The following VTA1 variants were observed in gnomAD, a reference collection of about 807,000 sequenced individuals.
VTA1 encodes vesicle trafficking 1, also known as vacuolar protein sorting-associated protein VTA1 homolog.
VTA1 carries 24 observed loss-of-function variants against 36.9 expected under a neutral mutation model. The observed-to-expected ratio is 0.65, with a 90% CI of 0.47 to 0.91. VTA1 has a LOEUF of 0.91. VTA1 is among the 40% of genes least tolerant of loss of function. VTA1 has a pLI of 0.00. For missense variants in VTA1, 393 were observed against 377.2 expected, an observed-to-expected ratio of 1.04 and a Z score of -0.35; for synonymous variants, 142 against 130.2, an observed-to-expected ratio of 1.09 and a Z score of -0.62.
chr6:142,161,523 A>C (rs1260202544), intron 1 of VTA1, among the ~76,000 whole-genome samples: 2 of 152,180 alleles, frequency 1.3e-5, no homozygotes, highest in Admixed American at 6.5e-5. Context: ...CTCACATTAA[A>C]TTAAATTCAA....
At chr6:142,174,466 T>G (rs974958174) in intron 4 of VTA1, among the ~76,000 whole-genome samples, 1 of 152,212 alleles carries the variant, frequency 6.6e-6, no homozygotes, top group Non-Finnish European at 1.5e-5. Flanking sequence ...AACTTGCTTT[T>G]AATCTTACAG....
rs371841146 is a variant in VTA1 at position 142,164,360 on chromosome 6, G to A, written c.113-1868G>A. Among the ~76,000 whole-genome samples the A allele has an allele frequency of 4.0e-5, 6 of 151,892 alleles. 1 individual carries two copies. The South Asian group carries it at 6.2e-4, about 16-fold the overall frequency. On this transcript the variant is annotated intron_variant, in intron 1 of 7. Coordinates refer to ENST00000367630, the MANE Select transcript of VTA1 (RefSeq NM_016485.5). ...CTACGCTGGTAGTGCAGTATATCTCGGTTACACTTTTGGAACTCTTTTTTT... is the reference window on the plus strand; with the variant it reads ...CTACGCTGGTAGTGCAGTATATCTCAGTTACACTTTTGGAACTCTTTTTTT...
At position 142,218,428 on chromosome 6, in the gene VTA1, A is replaced by G. The variant is rs946819208; in HGVS notation, c.779-70A>G. On this transcript the variant is annotated intron_variant, in intron 7 of 7. Transcript: ENST00000367630. ...AATATGTTTTTTAATCTTAAGCATAAGCATTTGCCCAACCTTACAGAACAC... is the reference window on the plus strand; with the variant it reads ...AATATGTTTTTTAATCTTAAGCATAGGCATTTGCCCAACCTTACAGAACAC... The G allele has an allele frequency of 1.7e-5, 26 of 1,511,066 alleles. No homozygotes were observed. The African/African-American group carries it at 3.5e-4, about 20-fold the overall frequency. The allele number at this position is 1,511,066 out of a possible 1,614,324, so 93.6% of individuals were successfully genotyped here.
At chr6:142,208,852 A>G (rs1775846655) in intron 7 of VTA1, among the ~76,000 whole-genome samples, 1 of 152,226 alleles carries the variant, frequency 6.6e-6, no homozygotes, top group African/African-American at 2.4e-5. Context: ...TTTCCCAGAC[A>G]CAAAAGCTGA....
chr6:142,214,896 A>G (rs1775976872), intron 7 of VTA1, among the ~76,000 whole-genome samples: 1 of 152,196 alleles, frequency 6.6e-6, no homozygotes, highest in South Asian at 2.1e-4. Context: ...CACTGTCACT[A>G]CCATTACTAC....
rs149153271 is a variant in VTA1, at chr6:142,222,872, T to C, written c.*4229T>C. The C allele has an allele frequency of 7.1e-4, 108 of 152,340 alleles. No individual in the cohort carries two copies. The highest frequency in any genetic ancestry group is 2.4e-3 in the African/African-American group (100 of 41,574). 9.4% of individuals were successfully genotyped at this position (152,340 alleles called of 1,614,324 possible). A position where few individuals can be genotyped will look rare whatever the true frequency, so the allele number is the denominator to read the frequency against. On this transcript the variant is annotated 3_prime_UTR_variant, in exon 8 of 8. Transcript: ENST00000367630. The stretch of plus-strand genomic sequence containing the variant: ...ATTTTGCATATATTAATTCATTTAA[T>C]CTTCACAGTGGTCCTGAGAGGTAGG...
At chr6:142,169,434 T>G (rs912063273) in intron 2 of VTA1, 116 bp from the exon 3 acceptor site, 6 of 1,202,148 alleles carry the variant, frequency 5.0e-6, no homozygotes, top group African/African-American at 1.6e-5. Flanking sequence ...TGATGACATC[T>G]TTTATTGAAA....
chr6:142,166,276 C>A lies in VTA1; in HGVS notation c.161C>A (p.Pro54His). 1 of 1,612,222 alleles carries A rather than the reference C, an allele frequency of 6.2e-7. No homozygotes were observed. The highest frequency in any genetic ancestry group is 2.2e-5 in the East Asian group (1 of 44,752). ...QTGMKIDSKT[P>H]ECRKFLSKLM... is the part of the protein sequence containing the mutation. Reference sequence around the variant, plus strand: ...GGAATGAAGATCGATAGTAAAACTCCTGAATGTCGCAAATTTTTATCAAAG... The same window carrying A: ...GGAATGAAGATCGATAGTAAAACTCATGAATGTCGCAAATTTTTATCAAAG... Residue 54 changes from proline to histidine, a missense_variant, in exon 2 of 8, where the codon CCT becomes CAT. Physicochemically the swap from Pro to His is moderately conservative, Grantham distance 77. Transcript: ENST00000367630.
chr6:142,179,979 G>A (rs564687709), intron 4 of VTA1, among the ~76,000 whole-genome samples: 1 of 152,180 alleles, frequency 6.6e-6, no homozygotes, highest in Admixed American at 6.5e-5. Flanking sequence ...TGTTAGGTTG[G>A]AATTGTTGTA....
At chr6:142,173,916 G>A (rs1429144001) in intron 4 of VTA1, among the ~76,000 whole-genome samples, 1 of 152,186 alleles carries the variant, frequency 6.6e-6, no homozygotes, top group Non-Finnish European at 1.5e-5. Context: ...TTACTAAAGA[G>A]TAAGGGTAAA....
intron 5 of VTA1, among the ~76,000 whole-genome samples, chr6:142,198,117 ATATGTG>A (rs1448193178): frequency 1.5e-3 from 121 of 78,660 alleles, no homozygotes; most frequent in African/African-American, 4.1e-3. Flanking sequence ...ATATATATAT[ATATGTG>A]TGTGTGTGTG....
intron 1 of VTA1, among the ~76,000 whole-genome samples, chr6:142,162,922 A>G (rs1774836521): frequency 6.6e-6 from 1 of 152,148 alleles, no homozygotes; most frequent in Non-Finnish European, 1.5e-5. Flanking sequence ...CGCTTGATGT[A>G]TTGATTTTGG....
chr6:142,170,027 A>G (rs1414760126), intron 3 of VTA1, among the ~76,000 whole-genome samples: 5 of 152,178 alleles, frequency 3.3e-5, no homozygotes. Flanking sequence ...ATGATTTATC[A>G]GTATAATATT....
intron 7 of VTA1, among the ~76,000 whole-genome samples, chr6:142,207,555 G>A (rs750494261): frequency 6.6e-6 from 1 of 151,948 alleles, no homozygotes; most frequent in Admixed American, 6.6e-5. Flanking sequence ...GACATTCAGC[G>A]CTCCAAACAT....
At chr6:142,209,133 G>A (rs1775851516) in intron 7 of VTA1, among the ~76,000 whole-genome samples, 2 of 151,982 alleles carry the variant, frequency 1.3e-5, no homozygotes, top group South Asian at 4.2e-4. Context: ...GACATCTTAT[G>A]CCTATAAAAA....
intron 7 of VTA1, among the ~76,000 whole-genome samples, chr6:142,216,983 T>C (rs1776015680): frequency 6.6e-6 from 1 of 152,172 alleles, no homozygotes; most frequent in South Asian, 2.1e-4. Flanking sequence ...TGTAAATATA[T>C]TTTGAAAAAC....
At chr6:142,151,241 A>G (rs530013692) in intron 1 of VTA1, among the ~76,000 whole-genome samples, 5 of 152,310 alleles carry the variant, frequency 3.3e-5, no homozygotes, top group East Asian at 3.9e-4. Flanking sequence ...TGGAGGGACC[A>G]CAGTGGGAAA....
At chr6:142,191,965 A>G (rs1211259095) in intron 5 of VTA1, among the ~76,000 whole-genome samples, 1 of 152,100 alleles carries the variant, frequency 6.6e-6, no homozygotes, top group Admixed American at 6.5e-5. Flanking sequence ...TTGTTCTGGC[A>G]TTGAATTTCT....
chr6:142,164,576 T>A (rs1774878090), intron 1 of VTA1, among the ~76,000 whole-genome samples: 1 of 152,146 alleles, frequency 6.6e-6, no homozygotes, highest in Non-Finnish European at 1.5e-5. Flanking sequence ...CTGTTTCGTG[T>A]GTATATTAAT....
Sources: allele counts gnomAD v4.1 joint callset (sites outside exome capture counted in the v4.1 genomes callset), GRCh38; gene constraint gnomAD v4.1.1; transcripts MANE v1.5; gene names NCBI Gene and HGNC (gene_info 2026-07-23, HGNC 2026-07-21).